PDE1A: variants seen among roughly 807,000 people sequenced by gnomAD.
PDE1A encodes dual specificity calcium/calmodulin-dependent 3',5'-cyclic nucleotide phosphodiesterase 1A.
A neutral mutation model predicts 61.7 loss-of-function variants in PDE1A; 35 were observed. The observed-to-expected ratio is 0.57, with a 90% CI of 0.43 to 0.75. PDE1A has a LOEUF of 0.75. Among genes scored for constraint, PDE1A ranks in the 30% least tolerant of loss-of-function variants. The pLI is 0.00. For missense variants in PDE1A, 597 were observed against 630.6 expected (o/e 0.95, Z 0.57); for synonymous variants, 232 against 213.2 (o/e 1.09, Z -0.77).
the PDE1A span, among the ~76,000 whole-genome samples, chr2:182,569,695 G>T: frequency 6.6e-6 from 1 of 152,194 alleles, no homozygotes; most frequent in Non-Finnish European, 1.5e-5. Context: ...TGGCTGCTCT[G>T]AAATAAAACT....
chr2:182,336,622 G>A (rs763312314), intron 1 of PDE1A, among the ~76,000 whole-genome samples: 2 of 152,138 alleles, frequency 1.3e-5, no homozygotes, highest in Admixed American at 6.5e-5. Flanking sequence ...CTGTCAGCGG[G>A]TAGGGGGCTA....
the PDE1A span, among the ~76,000 whole-genome samples, chr2:182,546,215 G>A: frequency 6.6e-6 from 1 of 152,140 alleles, no homozygotes; most frequent in Non-Finnish European, 1.5e-5. Context: ...AGATCAGGAG[G>A]ATGAAGTGCC....
the PDE1A span, among the ~76,000 whole-genome samples, chr2:182,671,871 G>C: frequency 6.6e-6 from 1 of 150,566 alleles, no homozygotes; most frequent in Non-Finnish European, 1.5e-5. Flanking sequence ...TGCCCACCTC[G>C]GCCTCCCAAA....
chr2:182,328,441 G>T (rs993261763), intron 1 of PDE1A, among the ~76,000 whole-genome samples: 2 of 152,110 alleles, frequency 1.3e-5, no homozygotes, highest in Non-Finnish European at 2.9e-5. Flanking sequence ...TTGCAATGAT[G>T]GATTATTGAG....
exon 2 of PDE1A, chr2:182,522,340 T>C: frequency 6.2e-7 from 1 of 1,613,616 alleles, no homozygotes; most frequent in South Asian, 1.1e-5. Flanking sequence ...AAAGTGGTGT[T>C]TTCCAATTCT....
At chr2:182,340,102 G>A (rs1698091638) in intron 1 of PDE1A, among the ~76,000 whole-genome samples, 1 of 152,072 alleles carries the variant, frequency 6.6e-6, no homozygotes, top group Non-Finnish European at 1.5e-5. Flanking sequence ...ACAAGGCCAA[G>A]GTAAACGTTA....
intron 2 of PDE1A, among the ~76,000 whole-genome samples, chr2:182,249,736 C>T (rs1481436390): frequency 1.7e-5 from 1 of 57,756 alleles, no homozygotes; most frequent in Non-Finnish European, 3.2e-5. Flanking sequence ...CCCCAACCCC[C>T]CCCCCAAAAA....
rs1685472286 is a variant in PDE1A at position 182,188,974 on chromosome 2, A to G, written c.1207+5T>C. 6.3e-7 allele frequency: 1 copy of G among 1,596,608 alleles called. No individual in the cohort carries two copies. The highest frequency in any genetic ancestry group is 1.1e-5 in the South Asian group (1 of 90,456). ...CTTTCCACCACCACAAATCATCAGA[A>G]TTACCTATTTGTGACTGGGCCACCA... On this transcript the variant is annotated splice_donor_5th_base_variant and intron_variant, in intron 11 of 13. Coordinates refer to ENST00000351439, the Ensembl canonical transcript of PDE1A.
At chr2:182,213,236 GA>G (rs1687822518) in intron 7 of PDE1A, among the ~76,000 whole-genome samples, 1 of 147,360 alleles carries the variant, frequency 6.8e-6, no homozygotes, top group Non-Finnish European at 1.5e-5. Flanking sequence ...CTAACAAACA[GA>G]AAGGACATCC....
chr2:182,241,195 C>T (rs754955972), intron 2 of PDE1A, among the ~76,000 whole-genome samples: 1 of 152,174 alleles, frequency 6.6e-6, no homozygotes, highest in Non-Finnish European at 1.5e-5. Context: ...CTGGCAACAT[C>T]CCAGAGGCTC....
At chr2:182,646,264 G>T in the PDE1A span, among the ~76,000 whole-genome samples, 2 of 150,592 alleles carry the variant, frequency 1.3e-5, no homozygotes, top group East Asian at 2.0e-4. Context: ...ACTGGCCAAC[G>T]TGGTGAAACC....
chr2:182,673,022 T>C, the PDE1A span, among the ~76,000 whole-genome samples: 369 of 152,272 alleles, frequency 2.4e-3, 2 homozygotes, highest in African/African-American at 8.5e-3. Context: ...CAGGATTGAC[T>C]CTTAGAAAAC....
chr2:182,621,142 T>C, the PDE1A span, among the ~76,000 whole-genome samples: 1 of 152,144 alleles, frequency 6.6e-6, no homozygotes, highest in African/African-American at 2.4e-5. Flanking sequence ...ATCCCAAGAC[T>C]CTAAGTCTGA....
intron 13 of PDE1A, among the ~76,000 whole-genome samples, chr2:182,151,257 T>A (rs1242960596): frequency 1.3e-5 from 2 of 152,034 alleles, no homozygotes; most frequent in Non-Finnish European, 2.9e-5. Flanking sequence ...CCAGCTAATT[T>A]TTTTGTTTTT....
the PDE1A span, among the ~76,000 whole-genome samples, chr2:182,530,343 A>AAAGAG: frequency 6.6e-6 from 1 of 152,156 alleles, no homozygotes; most frequent in Non-Finnish European, 1.5e-5. Context: ...GCCAGATGAA[A>AAAGAG]AGCAGGGGGG....
chr2:182,561,784 T>C, the PDE1A span, among the ~76,000 whole-genome samples: 2 of 152,110 alleles, frequency 1.3e-5, no homozygotes, highest in South Asian at 2.1e-4. Flanking sequence ...CCCTTGTAAG[T>C]TGGTTTCCTA....
intron 2 of PDE1A, among the ~76,000 whole-genome samples, chr2:182,448,793 G>C (rs1038115883): frequency 1.1e-4 from 16 of 152,016 alleles, no homozygotes; most frequent in African/African-American, 3.1e-4. Flanking sequence ...TTAATCTACT[G>C]TGATTCCGTT....
intron 1 of PDE1A, among the ~76,000 whole-genome samples, chr2:182,283,984 G>C (rs1693993211): frequency 2.0e-5 from 3 of 152,046 alleles, no homozygotes; most frequent in Admixed American, 2.0e-4. Flanking sequence ...AATAGTAAAA[G>C]TTATAACAAT....
chr2:182,712,567 T>G, the PDE1A span, among the ~76,000 whole-genome samples: 1 of 152,070 alleles, frequency 6.6e-6, no homozygotes, highest in African/African-American at 2.4e-5. Flanking sequence ...ATTTTTTTCT[T>G]TTTTTTTGAG....
Sources: allele counts gnomAD v4.1 joint callset (sites outside exome capture counted in the v4.1 genomes callset), GRCh38; gene constraint gnomAD v4.1.1; transcripts MANE v1.5; gene names NCBI Gene and HGNC (gene_info 2026-07-23, HGNC 2026-07-21).